UBR1: variants seen among roughly 807,000 people sequenced by gnomAD.
UBR1 encodes the protein E3 ubiquitin-protein ligase UBR1.
UBR1 carries 102 observed loss-of-function variants against 242.1 expected under a neutral mutation model. That is an observed-to-expected ratio of 0.42 (90% CI 0.36 to 0.50). UBR1 has a LOEUF of 0.50. UBR1 is among the 20% of genes least tolerant of loss of function. UBR1 has a pLI of 0.01. For synonymous variants in UBR1, 675 were observed against 684.8 expected (o/e 0.99, Z 0.22); for missense variants, 1,772 against 2,101.8 (o/e 0.84, Z 3.07).
chr15:43,051,270 G>A (rs1414677312), intron 12 of UBR1, among the ~76,000 whole-genome samples: 1 of 152,168 alleles, frequency 6.6e-6, no homozygotes, highest in Non-Finnish European at 1.5e-5. Flanking sequence ...CATCTTTTCT[G>A]GGAACATGGA....
At chr15:42,967,657 A>G (rs2032130568) in intron 40 of UBR1, among the ~76,000 whole-genome samples, 1 of 152,024 alleles carries the variant, frequency 6.6e-6, no homozygotes, top group African/African-American at 2.4e-5. Flanking sequence ...GTCAATTGTA[A>G]CAAATGGTAC....
At position 42,964,057 on chromosome 15, in the gene UBR1, A is replaced by C; in HGVS notation, c.4592-14T>G. 6.5e-7 allele frequency: 1 copy of C among 1,549,824 alleles called. No individual in the cohort carries two copies. The highest frequency in any genetic ancestry group is 8.9e-7 in the Non-Finnish European group (1 of 1,122,162). On this transcript the variant is annotated splice_polypyrimidine_tract_variant and intron_variant, in intron 41 of 46. Transcript: ENST00000290650. ...CTTCTGCAGAATCTGCAAGAGAATA[A>C]AAATACATTTAATAAGCACATTATT...
In UBR1 at chr15:43,026,521, G is replaced by C. The variant is rs1046459501; in HGVS notation, c.2535+40C>G. 3 of 1,554,770 alleles carry C rather than the reference G, an allele frequency of 1.9e-6. No homozygotes were observed. The African/African-American group carries it at 4.1e-5, about 21-fold the overall frequency. ...TTTCTGTGGAGTTAGAAAGCATAAA[G>C]CATTTAGGTTTATTTACTGAAAAGG... On this transcript the variant is annotated intron_variant, in intron 23 of 46. Transcript: ENST00000290650.
At chr15:42,957,164 T>C (rs1049902196) in intron 44 of UBR1, among the ~76,000 whole-genome samples, 7 of 152,104 alleles carry the variant, frequency 4.6e-5, no homozygotes, top group African/African-American at 1.7e-4. Flanking sequence ...AACTCTTATA[T>C]ATACATACAA....
intron 2 of UBR1, among the ~76,000 whole-genome samples, chr15:43,083,674 A>G (rs572641376): frequency 6.3e-4 from 95 of 151,714 alleles, no homozygotes; most frequent in African/African-American, 2.2e-3. Context: ...GAGCCTCTGC[A>G]CCTGGCCAGG....
intron 44 of UBR1, among the ~76,000 whole-genome samples, chr15:42,957,258 G>C (rs1319441433): frequency 1.3e-5 from 2 of 152,094 alleles, no homozygotes; most frequent in African/African-American, 4.8e-5. Context: ...CTAAGTGAAA[G>C]AAGCCAAACA....
chr15:43,017,342 C>T (rs1282534319), intron 27 of UBR1, among the ~76,000 whole-genome samples, 161 bp from the exon 28 acceptor site: 1 of 152,168 alleles, frequency 6.6e-6, no homozygotes, highest in African/African-American at 2.4e-5. Context: ...CTGTGACAAA[C>T]GCCTCCCCTG....
chr15:42,982,392 CTGGCCCTGT>C, intron 37 of UBR1, among the ~76,000 whole-genome samples: 1 of 152,162 alleles, frequency 6.6e-6, no homozygotes, highest in Non-Finnish European at 1.5e-5. Context: ...ATGGAAGGTT[CTGGCCCTGT>C]GCAACTGACC....
At chr15:43,053,328 G>A (rs2033578467) in intron 12 of UBR1, among the ~76,000 whole-genome samples, 1 of 152,160 alleles carries the variant, frequency 6.6e-6, no homozygotes, top group Non-Finnish European at 1.5e-5. Context: ...AAGTGATTAT[G>A]CACCACTTAA....
intron 31 of UBR1, among the ~76,000 whole-genome samples, chr15:43,003,625 G>A (rs1436070903): frequency 6.6e-6 from 1 of 152,170 alleles, no homozygotes; most frequent in East Asian, 1.9e-4. Context: ...AAGCACAAAG[G>A]AACAGTGAAA....
At chr15:43,062,917 T>C (rs1245136155) in intron 6 of UBR1, among the ~76,000 whole-genome samples, 2 of 152,132 alleles carry the variant, frequency 1.3e-5, no homozygotes, top group East Asian at 1.9e-4. Flanking sequence ...AAAAAAATTA[T>C]TTCCAAGTGA....
At chr15:43,003,458 G>C (rs1005736558) in intron 31 of UBR1, 5 of 308,730 alleles carry the variant, frequency 1.6e-5, no homozygotes, top group Non-Finnish European at 3.1e-5. Flanking sequence ...GTTTTACCAC[G>C]TTGGCCAGGC....
At position 43,015,954 on chromosome 15, in the gene UBR1, T is replaced by G; in HGVS notation, c.3028-85A>C. On this transcript the variant is annotated intron_variant, in intron 28 of 46. Transcript: ENST00000290650. ...GTTTGGATGGCAAAATTCCTTAGAA[T>G]AAGATTCTGAAACCCTGATTACCCC... 3.1e-6 allele frequency: 4 copies of G among 1,308,442 alleles called. No individual in the cohort carries two copies. The South Asian group carries it at 3.7e-5, about 12-fold the overall frequency. The allele number at this position is 1,308,442 out of a possible 1,614,324, so 81.1% of individuals were successfully genotyped here.
At chr15:43,071,086 C>G (rs2033818944) in intron 4 of UBR1, among the ~76,000 whole-genome samples, 161 bp from the exon 5 acceptor site, 1 of 152,154 alleles carries the variant, frequency 6.6e-6, no homozygotes, top group African/African-American at 2.4e-5. Context: ...ATATTTAGAT[C>G]AGTTTAGCTT....
At chr15:43,054,322 G>A (rs767755264) in intron 12 of UBR1, among the ~76,000 whole-genome samples, 5 of 151,874 alleles carry the variant, frequency 3.3e-5, no homozygotes, top group Non-Finnish European at 5.9e-5. Flanking sequence ...CTGCACTCCA[G>A]CTTGGGCAAC....
At position 42,989,117 on chromosome 15, in the gene UBR1, GATTT is replaced by G. The variant is rs571082443; in HGVS notation, c.3849-154_3849-151del. The G allele has an allele frequency of 1.3e-3, 887 of 689,062 alleles. 15 individuals carry two copies. The South Asian group carries it at 0.017, about 13-fold the overall frequency. The allele number at this position is 689,062 out of a possible 1,614,324, so 42.7% of individuals were successfully genotyped here. On this transcript the variant is annotated intron_variant, in intron 34 of 46. Coordinates refer to ENST00000290650, the MANE Select transcript of UBR1 (RefSeq NM_174916.3). Reference sequence around the variant, plus strand: ...CAAATTAGAGATTAGAGCCTCCAAAGATTTATTCAGTTGGAAAAAAATTGGAAGA... The same window carrying G: ...CAAATTAGAGATTAGAGCCTCCAAAGATTCAGTTGGAAAAAAATTGGAAGA...
At chr15:42,994,382 A>AG (rs1491213665) in intron 33 of UBR1, among the ~76,000 whole-genome samples, 1 of 4,672 alleles carries the variant, frequency 2.1e-4, no homozygotes, top group Non-Finnish European at 1.8e-3. Flanking sequence ...ACGCTGTCTC[A>AG]AAAAAAAAAA....
chr15:43,080,393 ACT>A (rs1319599740), intron 3 of UBR1, among the ~76,000 whole-genome samples: 1 of 152,050 alleles, frequency 6.6e-6, no homozygotes, highest in Non-Finnish European at 1.5e-5. Flanking sequence ...ACTAGCAACC[ACT>A]GATTTTTTTA....
intron 3 of UBR1, among the ~76,000 whole-genome samples, chr15:43,075,929 T>A (rs1249551746): frequency 1.4e-5 from 2 of 145,572 alleles, no homozygotes; most frequent in Admixed American, 6.9e-5. Context: ...AAGATTTTTT[T>A]AATTAAACAA....
Sources: gnomAD v4.1 joint callset for allele counts (sites outside exome capture counted in the v4.1 genomes callset) on GRCh38, gnomAD v4.1.1 for gene constraint, MANE v1.5 for transcripts, NCBI Gene and HGNC (gene_info 2026-07-23, HGNC 2026-07-21) for gene names.